The following GLB1L3 variants were observed in gnomAD, a reference collection of about 807,000 sequenced individuals.
The protein encoded by GLB1L3 is beta-galactosidase-1-like protein 3.
Under a neutral mutation model 89.5 loss-of-function variants are expected in GLB1L3, and 89 were observed. The observed-to-expected ratio is 0.99, with a 90% CI of 0.84 to 1.19. GLB1L3 has a LOEUF of 1.19. GLB1L3 is among the 50% of genes most tolerant of loss of function. The pLI is 0.00. For synonymous variants in GLB1L3, 314 were observed against 312.3 expected, an observed-to-expected ratio of 1.01 and a Z score of -0.06; for missense variants, 812 against 813.3, an observed-to-expected ratio of 1.00 and a Z score of 0.02.
intron 14 of GLB1L3, 28 bp from the exon 15 acceptor site, chr11:134,312,788 C>A: frequency 6.3e-7 from 1 of 1,582,986 alleles, no homozygotes; most frequent in African/African-American, 1.3e-5. Context: ...GTGGGCCTAG[C>A]AGTCTGACGC....
intron 6 of GLB1L3, among the ~76,000 whole-genome samples, chr11:134,285,412 C>T (rs1038389610): frequency 2.6e-5 from 4 of 152,112 alleles, no homozygotes; most frequent in African/African-American, 7.2e-5. Context: ...CATAACTCTT[C>T]CAAAAGAGAA....
At chr11:134,282,959 G>A (rs552910461) in intron 5 of GLB1L3, among the ~76,000 whole-genome samples, 1 of 152,244 alleles carries the variant, frequency 6.6e-6, no homozygotes, top group African/African-American at 2.4e-5. Flanking sequence ...CAGTGACCTG[G>A]AGTGGGTGGA....
rs1406674805 is a variant in GLB1L3 at position 134,276,868 on chromosome 11, C to T, written c.23+105C>T. The T allele has an allele frequency of 3.8e-6, 4 of 1,054,608 alleles. No individual in the cohort carries two copies. The East Asian group carries it at 1.3e-4, about 36-fold the overall frequency. The allele number at this position is 1,054,608 out of a possible 1,614,324, so 65.3% of individuals were successfully genotyped here. A position where few individuals can be genotyped will look rare whatever the true frequency, so the allele number is the denominator to read the frequency against. ...TGGCCGGCCACGCGCCCCAGGCACG[C>T]GCCGCGCCGGGCCGCGCCACCAAGC... On this transcript the variant is annotated intron_variant, in intron 1 of 19. Coordinates refer to ENST00000431683, the MANE Select transcript of GLB1L3 (RefSeq NM_001080407.3).
intron 7 of GLB1L3, among the ~76,000 whole-genome samples, chr11:134,290,312 C>T (rs1941276228): frequency 6.6e-6 from 1 of 152,130 alleles, no homozygotes; most frequent in Admixed American, 6.5e-5. Flanking sequence ...GTGGCGCATG[C>T]CTAGAATCCC....
chr11:134,325,195 T>C, the GLB1L3 span, among the ~76,000 whole-genome samples: 1 of 152,314 alleles, frequency 6.6e-6, no homozygotes, highest in South Asian at 2.1e-4. Context: ...GATAACATTT[T>C]AATGTTTCAC....
intron 6 of GLB1L3, among the ~76,000 whole-genome samples, chr11:134,284,634 C>T (rs915832736): frequency 6.6e-6 from 1 of 152,014 alleles, no homozygotes; most frequent in East Asian, 1.9e-4. Flanking sequence ...CTGGCTGAGA[C>T]AAGAGAATCA....
chr11:134,308,024 A>G (rs1391748449), intron 10 of GLB1L3, among the ~76,000 whole-genome samples: 1 of 152,036 alleles, frequency 6.6e-6, no homozygotes, highest in African/African-American at 2.4e-5. Flanking sequence ...AAAAATAGAA[A>G]AAAAGTCAAA....
At chr11:134,299,765 C>G (rs1279953165) in intron 9 of GLB1L3, among the ~76,000 whole-genome samples, 1 of 152,174 alleles carries the variant, frequency 6.6e-6, no homozygotes, top group East Asian at 1.9e-4. Context: ...TTATTGCCAG[C>G]AGATGCTGTC....
chr11:134,299,321 A>C (rs76662738), intron 9 of GLB1L3, among the ~76,000 whole-genome samples: 3 of 152,032 alleles, frequency 2.0e-5, no homozygotes, highest in African/African-American at 7.2e-5. Context: ...TGATTGCTTT[A>C]TCTCTTCCAA....
At chr11:134,318,205 T>G (rs1943063087) in intron 18 of GLB1L3, among the ~76,000 whole-genome samples, 1 of 152,174 alleles carries the variant, frequency 6.6e-6, no homozygotes, top group South Asian at 2.1e-4. Context: ...AAAAACTGCC[T>G]AGATGTCTCC....
At chr11:134,288,315 G>A (rs936581212) in intron 6 of GLB1L3, among the ~76,000 whole-genome samples, 3 of 152,138 alleles carry the variant, frequency 2.0e-5, no homozygotes, top group Admixed American at 6.5e-5. Flanking sequence ...ATCTTGATGC[G>A]GAGGGTCCTG....
At position 134,281,042 on chromosome 11, in the gene GLB1L3, A is replaced by G. The variant is rs115312593; in HGVS notation, c.363-335A>G. On this transcript the variant is annotated intron_variant, in intron 3 of 19. Transcript: ENST00000431683. ...TGACTAACTCATAGCAAAAATTTATAAGGAAGATGTAGACATTTTTGTTTT... is the reference window on the plus strand; with the variant it reads ...TGACTAACTCATAGCAAAAATTTATGAGGAAGATGTAGACATTTTTGTTTT... 3.8e-3 allele frequency among the ~76,000 whole-genome samples: 579 copies of G among 152,348 alleles called. 4 individuals are homozygous for G. Among genetic ancestry groups the G allele is most frequent in the African/African-American group, 0.013 (553 of 41,586 alleles).
chr11:134,278,107 T>G (rs1008920991), intron 3 of GLB1L3, among the ~76,000 whole-genome samples, 195 bp downstream of exon 3: 1 of 152,050 alleles, frequency 6.6e-6, no homozygotes, highest in Non-Finnish European at 1.5e-5. Flanking sequence ...ATCAAAGACT[T>G]GGATAGGGGT....
chr11:134,303,101 A>G (rs1942030041), intron 9 of GLB1L3, among the ~76,000 whole-genome samples: 2 of 152,124 alleles, frequency 1.3e-5, no homozygotes, highest in Admixed American at 6.5e-5. Context: ...GTTTGTATGC[A>G]GTATTGCTTT....
At chr11:134,320,581 C>T (rs1361069589), downstream of GLB1L3, among the ~76,000 whole-genome samples, 1 of 152,158 alleles carries the variant, frequency 6.6e-6, no homozygotes, top group Admixed American at 6.5e-5. Flanking sequence ...TTGGCACCTC[C>T]TCTTTCGCTA....
Position 134,313,956 on chromosome 11 carries a change from T to C in GLB1L3, c.1595T>C (p.Val532Ala), listed in dbSNP as rs11606923. 10,854 of 1,610,782 alleles carry C rather than the reference T, an allele frequency of 6.7e-3. 62 individuals are homozygous for C. The highest frequency in any genetic ancestry group is 8.6e-3 in the Non-Finnish European group (10,095 of 1,177,340). Residue 532 changes from valine to alanine, a missense_variant, in exon 17 of 20, where the codon GTC (valine) becomes GCC (alanine). Coordinates refer to ENST00000431683, the MANE Select transcript of GLB1L3 (RefSeq NM_001080407.3). Reference protein sequence around the residue: ...QNEQKGITGSVSINNSSLEGF... With the variant: ...QNEQKGITGSASINNSSLEGF... ...GCATCTGCAGGAATAACTGGATCTGTCAGCATCAATAACTCTTCCCTGGAG... is the reference window on the plus strand; with the variant it reads ...GCATCTGCAGGAATAACTGGATCTGCCAGCATCAATAACTCTTCCCTGGAG...
intron 9 of GLB1L3, among the ~76,000 whole-genome samples, chr11:134,298,939 C>T (rs1033009564): frequency 1.3e-5 from 2 of 152,176 alleles, no homozygotes; most frequent in African/African-American, 4.8e-5. Flanking sequence ...CAATTCAAAT[C>T]GCACGTACAT....
chr11:134,276,889 C>G (rs924216279), intron 1 of GLB1L3, 126 bp downstream of exon 1: 3 of 848,024 alleles, frequency 3.5e-6, no homozygotes, highest in Non-Finnish European at 4.8e-6. Flanking sequence ...GCCGCGCCAC[C>G]AAGCCCGCTG....
At position 134,283,840 on chromosome 11, in the gene GLB1L3, C is replaced by G; in HGVS notation, c.631C>G (p.Leu211Val). The change falls in exon 6 of 20, where the codon CTC becomes GTC. Residue 211 changes from leucine to valine, a missense_variant. Coordinates refer to ENST00000431683, the MANE Select transcript of GLB1L3 (RefSeq NM_001080407.3). ...CCACCTGATTCCCAGAGTGATTCCT[C>G]TCCAGGTAAAGCCAAATTGTCCCCT... ...FDHLIPRVIP[L>V]QYRQAGPVIA... 6.3e-7 allele frequency: 1 copy of G among 1,595,420 alleles called. No homozygotes were observed. Among genetic ancestry groups the G allele is most frequent in the Non-Finnish European group, 8.6e-7 (1 of 1,164,216 alleles).
Sources: allele counts gnomAD v4.1 joint callset (sites outside exome capture counted in the v4.1 genomes callset), GRCh38; gene constraint gnomAD v4.1.1; transcripts MANE v1.5; gene names NCBI Gene and HGNC (gene_info 2026-07-23, HGNC 2026-07-21).